GABBR2: variants seen among roughly 807,000 people sequenced by gnomAD.
The protein encoded by GABBR2 is G-protein coupled receptor 51.
A neutral mutation model predicts 105.6 loss-of-function variants in GABBR2; 23 were observed. The ratio of observed to expected loss-of-function variants is 0.22; its 90% confidence interval spans 0.16 to 0.31. The LOEUF (loss-of-function observed/expected upper bound fraction) is 0.31. Among genes scored for constraint, GABBR2 ranks in the 10% least tolerant of loss-of-function variants. The pLI is 1.00. For synonymous variants in GABBR2, 478 were observed against 499.7 expected (o/e 0.96, Z 0.58); for missense variants, 734 against 1,245.5 (o/e 0.59, Z 6.18).
At chr9:98,688,987 G>A (rs565839738) in intron 1 of GABBR2, among the ~76,000 whole-genome samples, 11 of 152,180 alleles carry the variant, frequency 7.2e-5, no homozygotes, top group Non-Finnish European at 1.6e-4. Context: ...GGACAGATAA[G>A]CCAAAGGCAA....
intron 1 of GABBR2, among the ~76,000 whole-genome samples, chr9:98,611,270 T>C (rs1829501876): frequency 6.6e-6 from 1 of 152,198 alleles, no homozygotes; most frequent in African/African-American, 2.4e-5. Flanking sequence ...CTGCCTACCT[T>C]GTCCCTTGCT....
intron 11 of GABBR2, among the ~76,000 whole-genome samples, chr9:98,375,862 GAGA>G (rs765172533): frequency 2.6e-5 from 4 of 152,152 alleles, no homozygotes; most frequent in Non-Finnish European, 4.4e-5. Flanking sequence ...CCAAGTAAAC[GAGA>G]AGGTTTCATC....
At chr9:98,496,341 A>T in intron 4 of GABBR2, 72 bp downstream of exon 4, 1 of 940,448 alleles carries the variant, frequency 1.1e-6, no homozygotes. Context: ...AGGCTCTTTC[A>T]TAGTCAGGTA....
chr9:98,678,591 A>G (rs940516422), intron 1 of GABBR2, among the ~76,000 whole-genome samples: 2 of 152,250 alleles, frequency 1.3e-5, no homozygotes, highest in Non-Finnish European at 2.9e-5. Flanking sequence ...CAAACATGAT[A>G]CTAACCTCAT....
At chr9:98,423,403 T>C (rs1832819067) in intron 7 of GABBR2, among the ~76,000 whole-genome samples, 1 of 152,264 alleles carries the variant, frequency 6.6e-6, no homozygotes, top group Non-Finnish European at 1.5e-5. Flanking sequence ...TGCATAAATG[T>C]CTTCTTTTGA....
At chr9:98,330,844 G>T (rs558385585) in intron 13 of GABBR2, among the ~76,000 whole-genome samples, 2 of 152,130 alleles carry the variant, frequency 1.3e-5, no homozygotes, top group East Asian at 3.9e-4. Flanking sequence ...CAATTAGCAC[G>T]GCTATCTCAT....
At chr9:98,412,938 C>T (rs552309343) in intron 7 of GABBR2, among the ~76,000 whole-genome samples, 15 of 152,316 alleles carry the variant, frequency 9.8e-5, no homozygotes, top group South Asian at 4.1e-4. Context: ...CACATTCCTA[C>T]GCGGCTGTCT....
intron 7 of GABBR2, among the ~76,000 whole-genome samples, chr9:98,410,889 A>G (rs945656): frequency 0.25 from 38,395 of 152,022 alleles, 6,095 homozygotes; most frequent in Admixed American, 0.46. Flanking sequence ...CCCAAGGGGC[A>G]TGGCAATTTT....
chr9:98,646,595 G>A (rs1054473517), intron 1 of GABBR2, among the ~76,000 whole-genome samples: 10 of 152,152 alleles, frequency 6.6e-5, no homozygotes, highest in Admixed American at 5.9e-4. Context: ...GGTGGTCTTG[G>A]GGACTCCAAC....
At chr9:98,604,306 T>G (rs1020425939) in intron 1 of GABBR2, among the ~76,000 whole-genome samples, 1 of 152,216 alleles carries the variant, frequency 6.6e-6, no homozygotes, top group Non-Finnish European at 1.5e-5. Flanking sequence ...ATCGGCTTTA[T>G]TGAGCAACAG....
intron 1 of GABBR2, among the ~76,000 whole-genome samples, chr9:98,586,086 G>A (rs74608357): frequency 0.052 from 7,918 of 152,128 alleles, 205 homozygotes; most frequent in South Asian, 0.1. Flanking sequence ...AGAATGTGCT[G>A]TGAAATATTT....
intron 7 of GABBR2, among the ~76,000 whole-genome samples, chr9:98,434,688 G>A (rs1199075425): frequency 6.6e-6 from 1 of 152,162 alleles, no homozygotes; most frequent in Non-Finnish European, 1.5e-5. Flanking sequence ...CTTCCCTACT[G>A]AAGACTGAGG....
chr9:98,655,538 CAT>C (rs1282971366), intron 1 of GABBR2, among the ~76,000 whole-genome samples: 2 of 152,154 alleles, frequency 1.3e-5, no homozygotes, highest in Non-Finnish European at 2.9e-5. Flanking sequence ...CACATGCACA[CAT>C]GTTTATTGCA....
At position 98,445,429 on chromosome 9, in the gene GABBR2, G is replaced by A. The variant is rs182106391; in HGVS notation, c.1236+8552C>T. On this transcript the variant is annotated intron_variant, in intron 7 of 18. Transcript: ENST00000259455. ...AAGGTTATAGTAAAAATTTTCTCTT[G>A]AAAATGCTTAAATTTCCCATAAATA... Among the ~76,000 whole-genome samples, 513 of 152,362 alleles carry A rather than the reference G, an allele frequency of 3.4e-3. 1 individual carries two copies. The highest frequency in any genetic ancestry group is 0.01 in the Middle Eastern group (3 of 294).
intron 7 of GABBR2, among the ~76,000 whole-genome samples, chr9:98,425,461 C>A (rs781386977): frequency 6.6e-5 from 10 of 152,222 alleles, no homozygotes; most frequent in Non-Finnish European, 1.0e-4. Flanking sequence ...TGCACTCATT[C>A]TTTCATCACA....
At chr9:98,500,566 T>C (rs1827378142) in intron 3 of GABBR2, among the ~76,000 whole-genome samples, 1 of 152,236 alleles carries the variant, frequency 6.6e-6, no homozygotes, top group South Asian at 2.1e-4. Context: ...AAACTCTCCC[T>C]GTTTCTGGAG....
intron 1 of GABBR2, among the ~76,000 whole-genome samples, chr9:98,627,819 C>T (rs1417121504): frequency 3.9e-5 from 6 of 152,314 alleles, no homozygotes; most frequent in East Asian, 1.9e-4. Flanking sequence ...TCTAGTCTAG[C>T]GCCTCTATTT....
intron 13 of GABBR2, among the ~76,000 whole-genome samples, chr9:98,343,384 G>T (rs953549476): frequency 6.6e-6 from 1 of 152,120 alleles, no homozygotes; most frequent in Admixed American, 6.5e-5. Context: ...GACCTTGAGT[G>T]CTGTCTGCCA....
At position 98,385,667 on chromosome 9, in the gene GABBR2, A is replaced by G. The variant is rs1332072995; in HGVS notation, c.1635T>C (p.Ser545=). The G allele has an allele frequency of 1.9e-6, 3 of 1,613,232 alleles. No homozygotes were observed. Among genetic ancestry groups the G allele is most frequent in the Admixed American group, 1.7e-5 (1 of 60,028 alleles). Residue 545 remains serine, a synonymous_variant, in exon 11 of 19, where the codon TCT becomes TCC. Transcript: ENST00000259455. The stretch of plus-strand genomic sequence containing the variant: ...TGCAAAGTGTTTCAAAGGTCTTTTC[A>G]GAGACAAAGGATCCATCAAGGCCAA... The part of the protein sequence containing the change: ...FLFGLDGSFV[S]EKTFETLCTV...
Sources: gnomAD v4.1 joint callset for allele counts (sites outside exome capture counted in the v4.1 genomes callset) on GRCh38, gnomAD v4.1.1 for gene constraint, MANE v1.5 for transcripts, NCBI Gene and HGNC (gene_info 2026-07-23, HGNC 2026-07-21) for gene names.